Variants in POLN observed in about 807,000 individuals in gnomAD.
The protein encoded by POLN is DNA polymerase N.
A neutral mutation model predicts 113.5 loss-of-function variants in POLN; 108 were observed. The observed-to-expected ratio is 0.95, with a 90% CI of 0.81 to 1.12. The LOEUF (loss-of-function observed/expected upper bound fraction) is 1.12. Among genes scored for constraint, POLN ranks in the 50% most tolerant of loss-of-function variants. The pLI, the probability that POLN is intolerant of heterozygous loss-of-function variation, is 0.00. For synonymous variants in POLN, 386 were observed against 391.5 expected, an observed-to-expected ratio of 0.99 and a Z score of 0.17; for missense variants, 1,097 against 1,077.1, an observed-to-expected ratio of 1.02 and a Z score of -0.26.
chr4:2,195,485 C>CTTT (rs59469569), intron 6 of POLN, among the ~76,000 whole-genome samples: 1 of 125,926 alleles, frequency 7.9e-6, no homozygotes. Flanking sequence ...CTTGGTAATT[C>CTTT]TTTTTTTTTT....
At chr4:2,212,421 C>CTGGA (rs1163586467) in intron 4 of POLN, among the ~76,000 whole-genome samples, 1 of 152,136 alleles carries the variant, frequency 6.6e-6, no homozygotes, top group Non-Finnish European at 1.5e-5. Flanking sequence ...GTTGCCCAGG[C>CTGGA]TGGAGTGTTG....
rs925438223 is a variant in POLN at position 2,198,732 on chromosome 4, C to A, written c.715-15G>T. On this transcript the variant is annotated splice_polypyrimidine_tract_variant and intron_variant, in intron 5 of 25. Transcript: ENST00000511885. Reference sequence around the variant, plus strand: ...GAAACGGGGGTCTGTGGAAACACAACAAAATAAATTAAACCCAGACAACAT... The same window carrying A: ...GAAACGGGGGTCTGTGGAAACACAAAAAAATAAATTAAACCCAGACAACAT... 1.9e-6 allele frequency: 3 copies of A among 1,575,474 alleles called. No homozygotes were observed. In the African/African-American group the frequency reaches 4.1e-5, roughly 21 times the overall value.
intron 16 of POLN, among the ~76,000 whole-genome samples, chr4:2,142,376 T>G (rs1454968201): frequency 6.6e-6 from 1 of 152,122 alleles, no homozygotes; most frequent in African/African-American, 2.4e-5. Flanking sequence ...CACTGGAGGG[T>G]TTCTCAAAAC....
intron 2 of POLN, among the ~76,000 whole-genome samples, chr4:2,237,250 T>C (rs995011146): frequency 3.3e-5 from 5 of 150,978 alleles, no homozygotes; most frequent in East Asian, 1.9e-4. Context: ...TGGCAACATA[T>C]TGAAGCCCCA....
intron 13 of POLN, among the ~76,000 whole-genome samples, chr4:2,163,571 C>G (rs1732655015): frequency 6.6e-6 from 1 of 152,228 alleles, no homozygotes; most frequent in South Asian, 2.1e-4. Flanking sequence ...CCGCTGGTGC[C>G]TCTTCTCTCA....
At chr4:2,123,624 C>CAAAAAAA in intron 19 of POLN, among the ~76,000 whole-genome samples, 1 of 54,946 alleles carries the variant, frequency 1.8e-5, no homozygotes, top group Non-Finnish European at 3.6e-5. Flanking sequence ...GACCCTGTCT[C>CAAAAAAA]AAAAAAAAAA....
chr4:2,108,501 T>C (rs1041938641), intron 19 of POLN, among the ~76,000 whole-genome samples: 2 of 152,210 alleles, frequency 1.3e-5, no homozygotes, highest in Non-Finnish European at 2.9e-5. Context: ...AGAATGCTCC[T>C]GGGTACAGAA....
rs552597895 is a variant in POLN, at chr4:2,137,851, G to A, written c.1732-6561C>T. The stretch of plus-strand genomic sequence containing the variant: ...TGTTTCTTCGGTCGGGGGGCGGGTC[G>A]GTGGGGGAACAGAGTCTTACTCTGT... On this transcript the variant is annotated intron_variant, in intron 16 of 25. Coordinates refer to ENST00000511885, the MANE Select transcript of POLN (RefSeq NM_181808.4). 2.6e-4 allele frequency among the ~76,000 whole-genome samples: 40 copies of A among 152,138 alleles called. No homozygotes were observed. In the South Asian group the frequency reaches 7.7e-3, roughly 29 times the overall value.
chr4:2,240,776 T>C (rs773112353), intron 2 of POLN: 1 of 1,613,966 alleles, frequency 6.2e-7, no homozygotes, highest in Non-Finnish European at 8.5e-7. Flanking sequence ...AAGCTTCCAA[T>C]TCTCTTTCAG....
At chr4:2,146,717 G>C (rs778810333) in intron 16 of POLN, among the ~76,000 whole-genome samples, 3 of 152,086 alleles carry the variant, frequency 2.0e-5, no homozygotes, top group African/African-American at 7.2e-5. Context: ...AAGAACTAAC[G>C]GGCAGCAGCC....
intron 19 of POLN, among the ~76,000 whole-genome samples, chr4:2,096,717 AG>A (rs1730803075): frequency 6.6e-6 from 1 of 151,868 alleles, no homozygotes; most frequent in African/African-American, 2.4e-5. Flanking sequence ...AGAGAGAGAG[AG>A]AGAGAGAGAG....
intron 16 of POLN, among the ~76,000 whole-genome samples, chr4:2,145,348 A>G (rs1732109851): frequency 6.6e-6 from 1 of 152,246 alleles, no homozygotes. Flanking sequence ...TCAAAGACAT[A>G]GAATCCAATC....
chr4:2,131,139 C>A, intron 17 of POLN, 94 bp downstream of exon 17: 2 of 872,320 alleles, frequency 2.3e-6, no homozygotes, highest in Non-Finnish European at 3.6e-6. Flanking sequence ...GAGCTGTGAT[C>A]GCACAAATGC....
intron 3 of POLN, among the ~76,000 whole-genome samples, chr4:2,220,541 A>G (rs1734229659): frequency 6.6e-6 from 1 of 152,158 alleles, no homozygotes; most frequent in Non-Finnish European, 1.5e-5. Flanking sequence ...TGACAGTCTG[A>G]ATCTCGGCCT....
At chr4:2,083,030 C>T (rs1212366141) in intron 21 of POLN, 3 of 152,194 alleles carry the variant, frequency 2.0e-5, no homozygotes, top group Non-Finnish European at 4.4e-5. Flanking sequence ...AAGGACTCTC[C>T]GCTCTGGATG....
chr4:2,080,809 C>G, intron 23 of POLN, 149 bp downstream of exon 23: 1 of 1,528,328 alleles, frequency 6.5e-7, no homozygotes. Flanking sequence ...TGAGTAGCCC[C>G]CAGGGCCTTC....
chr4:2,073,127 C>T (rs1256641816), intron 24 of POLN, 98 bp from the exon 25 acceptor site: 2 of 1,136,602 alleles, frequency 1.8e-6, no homozygotes, highest in Non-Finnish European at 2.6e-6. Context: ...CCTGCCCCGG[C>T]CCCTGAGCCC....
chr4:2,192,512 G>T (rs1733476385), intron 7 of POLN, among the ~76,000 whole-genome samples: 1 of 151,844 alleles, frequency 6.6e-6, no homozygotes, highest in African/African-American at 2.4e-5. Flanking sequence ...GCTAATTTTT[G>T]TATTTTTAGT....
In POLN at chr4:2,208,306, T is replaced by C. The variant is rs1225097838; in HGVS notation, c.395A>G (p.Lys132Arg). The C allele has an allele frequency of 1.2e-6, 2 of 1,604,034 alleles. No individual in the cohort carries two copies. Among genetic ancestry groups the C allele is most frequent in the Non-Finnish European group, 1.7e-6 (2 of 1,174,842 alleles). The change falls in exon 5 of 26, where the codon AAG (lysine) becomes AGG (arginine). Residue 132 changes from lysine (K) to arginine (R), a missense_variant. Transcript: ENST00000511885. The part of the protein sequence containing the change: ...YNQEASVLQK[K>R]GHKRKHFLME... ...TAGGAAATGCTTTCTTTTATGCCCCTTTTTCTGTAGAACTGAAGCCTCTTG... is the reference window on the plus strand; with the variant it reads ...TAGGAAATGCTTTCTTTTATGCCCCCTTTTCTGTAGAACTGAAGCCTCTTG...
Sources: gnomAD v4.1 joint callset for allele counts (sites outside exome capture counted in the v4.1 genomes callset) on GRCh38, gnomAD v4.1.1 for gene constraint, MANE v1.5 for transcripts, NCBI Gene and HGNC (gene_info 2026-07-23, HGNC 2026-07-21) for gene names.